DNAH5: variants seen among roughly 807,000 people sequenced by gnomAD.
DNAH5 encodes the protein dynein axonemal heavy chain 5, also known as axonemal beta dynein heavy chain 5.
A neutral mutation model predicts 518.2 loss-of-function variants in DNAH5; 372 were observed. That is an observed-to-expected ratio of 0.72 (90% CI 0.66 to 0.78). The LOEUF (loss-of-function observed/expected upper bound fraction) is 0.78, where lower values mean the gene tolerates loss of function less well. DNAH5 is among the 30% of genes least tolerant of loss of function. The pLI is 0.00. For synonymous variants in DNAH5, 2,039 were observed against 2,025.9 expected (o/e 1.01, Z -0.17); for missense variants, 5,523 against 5,687.0 (o/e 0.97, Z 0.93).
At position 13,764,122 on chromosome 5, in the gene DNAH5, A is replaced by C. The variant is rs144284024; in HGVS notation, c.10102-1221T>G. 7.9e-3 allele frequency among the ~76,000 whole-genome samples: 1,204 copies of C among 152,334 alleles called. 12 individuals are homozygous for C. Among genetic ancestry groups the C allele is most frequent in the African/African-American group, 0.027 (1,136 of 41,570 alleles). ...AATAGAGGTGGACTGGGTATTCCCA[A>C]TTAGTTGTTTTGAGATTTGAACATG... is the stretch of plus-strand genomic sequence containing the variant. On this transcript the variant is annotated intron_variant, in intron 59 of 78. Coordinates refer to ENST00000265104, the MANE Select transcript of DNAH5 (RefSeq NM_001369.3).
chr5:13,714,975 T>C (rs1744098988), intron 74 of DNAH5, among the ~76,000 whole-genome samples: 2 of 152,198 alleles, frequency 1.3e-5, no homozygotes, highest in Non-Finnish European at 2.9e-5. Context: ...CAAATCAATG[T>C]TGTATAACTA....
intron 65 of DNAH5, among the ~76,000 whole-genome samples, chr5:13,740,968 T>C (rs1748437507): frequency 6.6e-6 from 1 of 152,188 alleles, no homozygotes; most frequent in East Asian, 1.9e-4. Context: ...CATTGATAAA[T>C]TCCTAAATTA....
intron 12 of DNAH5, among the ~76,000 whole-genome samples, chr5:13,907,171 C>T (rs772393748): frequency 1.6e-4 from 25 of 152,078 alleles, no homozygotes; most frequent in Non-Finnish European, 2.6e-4. Flanking sequence ...TGGCTCACGA[C>T]TGTAATCCCA....
At chr5:13,808,183 T>C (rs1005335464) in intron 46 of DNAH5, among the ~76,000 whole-genome samples, 2 of 145,464 alleles carry the variant, frequency 1.4e-5, no homozygotes, top group African/African-American at 5.2e-5. Flanking sequence ...TGAGCCCAGA[T>C]TACACTATTG....
chr5:13,800,647 A>C (rs1288541298), intron 47 of DNAH5, among the ~76,000 whole-genome samples: 2 of 152,162 alleles, frequency 1.3e-5, no homozygotes, highest in African/African-American at 4.8e-5. Context: ...AATCCTGGAA[A>C]CTTCCTTATG....
intron 76 of DNAH5, among the ~76,000 whole-genome samples, chr5:13,702,819 T>C (rs1337674916): frequency 6.6e-6 from 1 of 152,094 alleles, no homozygotes; most frequent in Non-Finnish European, 1.5e-5. Flanking sequence ...ACTCACTGCC[T>C]TGTAATCTGC....
Position 13,737,369 on chromosome 5 carries a change from T to C in DNAH5, c.11338A>G (p.Ser3780Gly), listed in dbSNP as rs1747669874. ...STQGSLVEDE[S>G]LIVVLSNTKR... ...GTGTTACTCAGCACGACAATGAGAC[T>C]TTCATCTTCTACCAGGGACCCCTGG... The change falls in exon 66 of 79, where the codon AGT becomes GGT. Residue 3780 changes from serine to glycine, a missense_variant. Transcript: ENST00000265104. 2 of 1,614,064 alleles carry C rather than the reference T, an allele frequency of 1.2e-6. No homozygotes were observed. Among genetic ancestry groups the C allele is most frequent in the Non-Finnish European group, 1.7e-6 (2 of 1,180,020 alleles).
chr5:13,766,127 T>G lies in DNAH5; in HGVS notation c.9950A>C (p.His3317Pro). The change falls in exon 59 of 79, where the codon CAC (histidine) becomes CCC (proline). Residue 3317 changes from histidine to proline, a missense_variant. Around this residue, in one of 3 missense-constraint regions of DNAH5, gnomAD observed 5,121 missense variants for 5,223.3 expected, o/e 0.98. Transcript: ENST00000265104. ...GCAATCCATGATCCGCATGATGAGG[T>G]GAGGGGGGCGGCCCAACGTGCGAAC... is the stretch of plus-strand genomic sequence containing the variant. ...ATVRTLGRPP[H>P]LIMRIMDCVL... 6.2e-7 allele frequency: 1 copy of G among 1,614,088 alleles called. No homozygotes were observed.
intron 15 of DNAH5, chr5:13,897,702 G>C (rs993029782): frequency 1.3e-5 from 2 of 152,194 alleles, no homozygotes; most frequent in African/African-American, 4.8e-5. Flanking sequence ...CTCAGGTTGA[G>C]CAGAAACTTT....
intron 23 of DNAH5, 110 bp downstream of exon 23, chr5:13,871,454 C>T: frequency 1.0e-6 from 1 of 973,030 alleles, no homozygotes; most frequent in Non-Finnish European, 1.6e-6. Flanking sequence ...GCTTGAGGCC[C>T]ATAAAGTCAA....
At chr5:13,882,389 G>T (rs1771798324) in intron 21 of DNAH5, among the ~76,000 whole-genome samples, 1 of 150,966 alleles carries the variant, frequency 6.6e-6, no homozygotes, top group Non-Finnish European at 1.5e-5. Context: ...CAATATCACT[G>T]GTGGACATAA....
intron 1 of DNAH5, among the ~76,000 whole-genome samples, chr5:13,940,823 A>AC (rs1779390223): frequency 6.6e-6 from 1 of 152,206 alleles, no homozygotes; most frequent in South Asian, 2.1e-4. Flanking sequence ...AGACTTGTGC[A>AC]AAAATTGAAT....
At position 13,911,600 on chromosome 5, in the gene DNAH5, T is replaced by A. The variant is rs547131074; in HGVS notation, c.1537-107A>T. Reference sequence around the variant, plus strand: ...TATACAATAATTGCCAGAAAAAAAATAAGTTTAAAGGAAGCCTTATTTTTT... The same window carrying A: ...TATACAATAATTGCCAGAAAAAAAAAAAGTTTAAAGGAAGCCTTATTTTTT... On this transcript the variant is annotated intron_variant, in intron 11 of 78. Transcript: ENST00000265104. 2.4e-3 allele frequency: 1,982 copies of A among 817,702 alleles called. 3 individuals are homozygous for A. Among genetic ancestry groups the A allele is most frequent in the Non-Finnish European group, 3.3e-3 (1,741 of 523,168 alleles). 50.7% of individuals were successfully genotyped at this position (817,702 alleles called of 1,614,324 possible).
At chr5:13,796,139 C>T (rs1159212826) in intron 47 of DNAH5, among the ~76,000 whole-genome samples, 2 of 152,140 alleles carry the variant, frequency 1.3e-5, no homozygotes, top group Admixed American at 6.5e-5. Flanking sequence ...AAAACTGGCA[C>T]AAGACAGGGA....
At chr5:13,736,769 G>T in intron 66 of DNAH5, among the ~76,000 whole-genome samples, 1 of 152,062 alleles carries the variant, frequency 6.6e-6, no homozygotes, top group East Asian at 1.9e-4. Context: ...AAAGATAGCC[G>T]ATCCAACTGA....
At chr5:13,871,510 A>T (rs1246779775) in intron 23 of DNAH5, 54 bp downstream of exon 23, 2 of 1,430,320 alleles carry the variant, frequency 1.4e-6, no homozygotes, top group Non-Finnish European at 2.0e-6. Flanking sequence ...CTAGGTAAAG[A>T]GGCAGAACAA....
intron 65 of DNAH5, among the ~76,000 whole-genome samples, chr5:13,744,368 T>C (rs565835281): frequency 5.3e-5 from 8 of 151,994 alleles, no homozygotes; most frequent in Admixed American, 3.9e-4. Flanking sequence ...AGGGAGAGAT[T>C]TGTTAAGATA....
At chr5:13,999,251 C>T (rs1429931644) in intron 1 of DNAH5, among the ~76,000 whole-genome samples, 1 of 152,216 alleles carries the variant, frequency 6.6e-6, no homozygotes, top group East Asian at 1.9e-4. Context: ...AACAAATTTT[C>T]AAGTATACAT....
At chr5:13,734,435 C>A (rs1202646143) in intron 68 of DNAH5, among the ~76,000 whole-genome samples, 11 of 152,150 alleles carry the variant, frequency 7.2e-5, no homozygotes, top group Non-Finnish European at 1.5e-5. Context: ...TTCCGCTGGG[C>A]TGTTTCGTTT....
Sources: gnomAD v4.1 joint callset for allele counts (sites outside exome capture counted in the v4.1 genomes callset) on GRCh38, gnomAD v4.1.1 for gene constraint, gnomAD v4.1.1 regional missense constraint, MANE v1.5 for transcripts, NCBI Gene and HGNC (gene_info 2026-07-23, HGNC 2026-07-21) for gene names.